Variants in OPRM1 observed in about 807,000 individuals in gnomAD.
The protein encoded by OPRM1 is mu-type opioid receptor.
In OPRM1, 27 loss-of-function variants were observed where a neutral mutation model predicts 31.8. The observed-to-expected ratio is 0.85, with a 90% confidence interval of 0.63 to 1.17. The LOEUF is 1.17. OPRM1 is among the 50% of genes most tolerant of loss of function. The pLI is 0.00. For synonymous variants in OPRM1, 196 were observed against 189.9 expected, an observed-to-expected ratio of 1.03 and a Z score of -0.26; for missense variants, 536 against 511.1, an observed-to-expected ratio of 1.05 and a Z score of -0.47.
chr6:154,173,543 G>A (rs892816488), intron 3 of OPRM1, among the ~76,000 whole-genome samples: 2 of 152,046 alleles, frequency 1.3e-5, no homozygotes, highest in Non-Finnish European at 2.9e-5. Flanking sequence ...TTCAACAGCC[G>A]ATTCAATCAA....
At chr6:154,229,527 T>A (rs952294124) in intron 3 of OPRM1, among the ~76,000 whole-genome samples, 1 of 142,194 alleles carries the variant, frequency 7.0e-6, no homozygotes, top group Non-Finnish European at 1.5e-5. Flanking sequence ...TTTTTTGTAT[T>A]TTTTTTTTTT....
chr6:154,108,943 G>A (rs1274656325), intron 3 of OPRM1: 22 of 984,916 alleles, frequency 2.2e-5, no homozygotes, highest in Non-Finnish European at 2.7e-5. Flanking sequence ...TAGAATGTGA[G>A]AGGTAGCACA....
rs776475183 is a variant in OPRM1 at position 154,121,628 on chromosome 6, G to A, written c.*2907G>A. Among the ~76,000 whole-genome samples the A allele has an allele frequency of 4.6e-5, 7 of 152,144 alleles. No individual in the cohort carries two copies. The highest frequency in any genetic ancestry group is 1.0e-4 in the Non-Finnish European group (7 of 68,028). On this transcript the variant is annotated 3_prime_UTR_variant, in exon 4 of 4. Coordinates refer to ENST00000330432, the MANE Select transcript of OPRM1 (RefSeq NM_000914.5). The stretch of plus-strand genomic sequence containing the variant: ...GTTATTATTGAATAAGTCTCACTTA[G>A]CTCATTTAATATTACCCAAAAGATG...
At chr6:154,081,721 TG>T (rs1789204890) in intron 1 of OPRM1, among the ~76,000 whole-genome samples, 2 of 152,216 alleles carry the variant, frequency 1.3e-5, no homozygotes, top group African/African-American at 4.8e-5. Context: ...AGAGTATTTC[TG>T]GGACCCATTG....
intron 3 of OPRM1, among the ~76,000 whole-genome samples, chr6:154,102,078 T>TC (rs1794912535): frequency 6.6e-6 from 1 of 152,078 alleles, no homozygotes; most frequent in African/African-American, 2.4e-5. Context: ...TAGCTAAAAC[T>TC]ATGGGCACAC....
chr6:154,111,275 G>T (rs993506363), intron 3 of OPRM1, among the ~76,000 whole-genome samples: 1 of 152,078 alleles, frequency 6.6e-6, no homozygotes, highest in Non-Finnish European at 1.5e-5. Flanking sequence ...AGCTCCCAAG[G>T]TTTTCTGTAT....
chr6:154,106,994 T>A (rs1795673301), intron 3 of OPRM1, among the ~76,000 whole-genome samples: 1 of 152,246 alleles, frequency 6.6e-6, no homozygotes, highest in South Asian at 2.1e-4. Context: ...TAAAATATTC[T>A]ATTTTTCTGC....
At chr6:154,024,672 T>A (rs1778585715) in intron 1 of OPRM1, among the ~76,000 whole-genome samples, 1 of 151,948 alleles carries the variant, frequency 6.6e-6, no homozygotes, top group Non-Finnish European at 1.5e-5. Context: ...ATGTAGGCAC[T>A]TAATAGCTAC....
Position 154,100,056 on chromosome 6 carries a change from G to T in OPRM1, c.1164+8584G>T, listed in dbSNP as rs185999119. On this transcript the variant is annotated intron_variant, in intron 3 of 3. Coordinates refer to ENST00000330432, the MANE Select transcript of OPRM1 (RefSeq NM_000914.5). ...TATTATCATATGATATATATCATAT[G>T]ATATATATCATGATATATATCATAT... Among the ~76,000 whole-genome samples, 205 of 129,068 alleles carry T rather than the reference G, an allele frequency of 1.6e-3. 5 individuals carry two copies. Among genetic ancestry groups the T allele is most frequent in the Middle Eastern group, 6.9e-3 (1 of 144 alleles). 84.7% of individuals were successfully genotyped at this position (129,068 alleles called of 152,430 possible).
At chr6:154,226,441 T>C (rs1216061655) in intron 3 of OPRM1, among the ~76,000 whole-genome samples, 1 of 152,130 alleles carries the variant, frequency 6.6e-6, no homozygotes, top group East Asian at 1.9e-4. Context: ...TATCACTTTC[T>C]AGCCAGTTGC....
rs1210840287 is a variant in OPRM1 at position 154,089,944 on chromosome 6, T to C, written c.409T>C (p.Phe137Leu). 1 of 1,614,074 alleles carries C rather than the reference T, an allele frequency of 6.2e-7. No homozygotes were observed. The highest frequency in any genetic ancestry group is 8.5e-7 in the Non-Finnish European group (1 of 1,179,932). ...GAATTACCTAATGGGAACATGGCCA[T>C]TTGGAACCATCCTTTGCAAGATAGT... ...SVNYLMGTWPFGTILCKIVIS... is the reference protein window; with the variant it reads ...SVNYLMGTWPLGTILCKIVIS... Residue 137 changes from phenylalanine to leucine, a missense_variant, in exon 2 of 4, where the codon TTT (phenylalanine) becomes CTT (leucine). Physicochemically the swap from Phe to Leu is conservative, Grantham distance 22 (BLOSUM62 0). Transcript: ENST00000330432.
At chr6:154,038,088 C>T (rs546908783), upstream of OPRM1, among the ~76,000 whole-genome samples, 1 of 152,004 alleles carries the variant, frequency 6.6e-6, no homozygotes, top group East Asian at 1.9e-4. Context: ...GGCAAAATAG[C>T]CTATGATTAA....
At chr6:154,085,888 C>CTATTTTTTTTT in intron 1 of OPRM1, among the ~76,000 whole-genome samples, 1 of 123,974 alleles carries the variant, frequency 8.1e-6, no homozygotes, top group Non-Finnish European at 1.6e-5. Context: ...AAAGCTTGCC[C>CTATTTTTTTTT]TTTTTTTTTT....
At chr6:154,231,390 C>G (rs1779705123) in intron 3 of OPRM1, among the ~76,000 whole-genome samples, 1 of 152,200 alleles carries the variant, frequency 6.6e-6, no homozygotes. Flanking sequence ...AGAAATTCCA[C>G]TTCTGGGATC....
intron 3 of OPRM1, chr6:154,200,043 A>G: frequency 1.3e-6 from 2 of 1,582,752 alleles, no homozygotes; most frequent in Non-Finnish European, 1.7e-6. Flanking sequence ...TGTGCAGTCT[A>G]TTTTTCACAA....
intron 3 of OPRM1, among the ~76,000 whole-genome samples, chr6:154,237,373 C>T (rs1468984306): frequency 6.6e-6 from 1 of 152,192 alleles, no homozygotes; most frequent in Non-Finnish European, 1.5e-5. Context: ...TCATCCTTTA[C>T]ACGGGGTCGG....
intron 3 of OPRM1, among the ~76,000 whole-genome samples, chr6:154,220,856 AC>A (rs1182392262): frequency 6.6e-6 from 1 of 152,264 alleles, no homozygotes; most frequent in Non-Finnish European, 1.5e-5. Flanking sequence ...GGTGATAAAT[AC>A]GTGAATCATC....
At chr6:154,060,347 G>A (rs1784145534) in intron 1 of OPRM1, among the ~76,000 whole-genome samples, 2 of 152,080 alleles carry the variant, frequency 1.3e-5, no homozygotes, top group Non-Finnish European at 2.9e-5. Context: ...TAGACCAAAA[G>A]AACCAAAAGT....
intron 3 of OPRM1, among the ~76,000 whole-genome samples, chr6:154,106,438 T>G (rs1038663042): frequency 6.6e-6 from 1 of 152,248 alleles, no homozygotes; most frequent in African/African-American, 2.4e-5. Context: ...TAACTCCGCA[T>G]GTCCCCAGAC....
Sources: gnomAD v4.1 joint callset for allele counts (sites outside exome capture counted in the v4.1 genomes callset) on GRCh38, gnomAD v4.1.1 for gene constraint, MANE v1.5 for transcripts, NCBI Gene and HGNC (gene_info 2026-07-23, HGNC 2026-07-21) for gene names.